Variants in RPA3 observed in about 807,000 individuals in gnomAD.
RPA3 encodes the protein replication protein A 14 kDa subunit.
A neutral mutation model predicts 13.7 loss-of-function variants in RPA3; 24 were observed. The ratio of observed to expected loss-of-function variants is 1.75; its 90% CI spans 1.27 to 2.46. The LOEUF is 2.46. RPA3 is among the 30% of genes most tolerant of loss of function. The pLI, the probability that RPA3 is intolerant of heterozygous loss-of-function variation, is 0.00. For synonymous variants in RPA3, 59 were observed against 51.2 expected (o/e 1.15, Z -0.65); for missense variants, 183 against 151.0 (o/e 1.21, Z -1.11).
At position 7,640,518 on chromosome 7, in the gene RPA3, G is replaced by A; in HGVS notation, c.-100C>T. ...GGCAGATTTCTCGGCACCAATCAGC[G>A]AAGACTAGCGCTCCAGCTTCGCCAA... On this transcript the variant is annotated 5_prime_UTR_variant, in exon 5 of 8. Transcript: ENST00000223129. 1.9e-6 allele frequency: 2 copies of A among 1,053,508 alleles called. No individual in the cohort carries two copies. Among genetic ancestry groups the A allele is most frequent in the Non-Finnish European group, 2.9e-6 (2 of 692,160 alleles). 65.3% of individuals were successfully genotyped at this position (1,053,508 alleles called of 1,614,324 possible). A position where few individuals can be genotyped will look rare whatever the true frequency, so the allele number is the denominator to read the frequency against.
At chr7:7,650,781 A>G (rs1785207417) in intron 4 of RPA3, among the ~76,000 whole-genome samples, 2 of 152,210 alleles carry the variant, frequency 1.3e-5, no homozygotes, top group Admixed American at 1.3e-4. Context: ...CTCTCCATCC[A>G]GTGATTTCCT....
chr7:7,657,991 G>A (rs1449503779), intron 4 of RPA3, among the ~76,000 whole-genome samples: 1 of 152,148 alleles, frequency 6.6e-6, no homozygotes, highest in Non-Finnish European at 1.5e-5. Context: ...ATTTCCTTGA[G>A]CAGTGGTTTA....
chr7:7,654,002 A>G (rs1785285234), intron 4 of RPA3, among the ~76,000 whole-genome samples: 2 of 152,180 alleles, frequency 1.3e-5, no homozygotes, highest in Admixed American at 1.3e-4. Context: ...CTAAATTAGT[A>G]GATTGAGGGG....
intron 2 of RPA3, among the ~76,000 whole-genome samples, chr7:7,697,020 A>G (rs954413261): frequency 1.3e-5 from 2 of 152,168 alleles, no homozygotes; most frequent in Non-Finnish European, 2.9e-5. Flanking sequence ...AGGTCTGTAT[A>G]ACTTCTGTCT....
intron 4 of RPA3, among the ~76,000 whole-genome samples, chr7:7,658,178 T>C (rs111443236): frequency 0.011 from 1,622 of 152,370 alleles, 28 homozygotes; most frequent in African/African-American, 0.036. Context: ...GAGAATTTGC[T>C]GAAGTTGCTT....
intron 4 of RPA3, among the ~76,000 whole-genome samples, chr7:7,681,048 GTGTT>G (rs1346059279): frequency 1.3e-5 from 2 of 151,984 alleles, no homozygotes; most frequent in East Asian, 1.9e-4. Flanking sequence ...GTTGGTTTGT[GTGTT>G]TGTTGATGTC....
At chr7:7,681,001 G>T (rs909893185) in intron 4 of RPA3, among the ~76,000 whole-genome samples, 1 of 151,984 alleles carries the variant, frequency 6.6e-6, no homozygotes, top group Non-Finnish European at 1.5e-5. Context: ...GTGGCATCGT[G>T]TGCAATACGT....
chr7:7,653,216 T>C (rs1276934383), intron 4 of RPA3, among the ~76,000 whole-genome samples: 1 of 152,238 alleles, frequency 6.6e-6, no homozygotes, highest in Non-Finnish European at 1.5e-5. Flanking sequence ...TAGTGTTATT[T>C]ACACTCAAAT....
chr7:7,680,085 C>A (rs1284301881), intron 4 of RPA3, among the ~76,000 whole-genome samples: 3 of 151,964 alleles, frequency 2.0e-5, no homozygotes, highest in Non-Finnish European at 4.4e-5. Context: ...GTTGCCTGTG[C>A]TTGTGGGGTA....
intron 4 of RPA3, among the ~76,000 whole-genome samples, chr7:7,645,517 A>G (rs914467594): frequency 3.9e-5 from 6 of 152,186 alleles, no homozygotes; most frequent in Non-Finnish European, 7.3e-5. Flanking sequence ...TCCACGTTCT[A>G]TGTGGCAGAG....
intron 6 of RPA3, 64 bp downstream of exon 6, chr7:7,639,006 C>A: frequency 7.7e-7 from 1 of 1,301,130 alleles, no homozygotes; most frequent in Admixed American, 2.6e-5. Flanking sequence ...ACATCGGCAA[C>A]AAACCAAATC....
intron 5 of RPA3, 34 bp from the exon 6 acceptor site, chr7:7,639,178 A>C (rs1554306908): frequency 6.5e-7 from 1 of 1,546,636 alleles, no homozygotes; most frequent in Admixed American, 1.8e-5. Flanking sequence ...AATCTCACTA[A>C]AACAACAACA....
chr7:7,667,418 A>G (rs1049014958), intron 4 of RPA3, among the ~76,000 whole-genome samples: 3 of 152,188 alleles, frequency 2.0e-5, no homozygotes, highest in African/African-American at 4.8e-5. Flanking sequence ...CTTACCGCAT[A>G]CTAGGCTTGG....
rs866522944 is a variant in RPA3 at position 7,676,468 on chromosome 7, A to T, written c.-758+9362T>A. ...CAGAACCTATCCTCTAAACCACTGA[A>T]CTATCCATCTTTTTGTAAAAAAAGT... On this transcript the variant is annotated intron_variant, in intron 4 of 7. Transcript: ENST00000223129. Among the ~76,000 whole-genome samples the T allele has an allele frequency of 2.6e-5, 4 of 152,160 alleles. No individual in the cohort carries two copies. The South Asian group carries it at 8.3e-4, about 32-fold the overall frequency.
chr7:7,669,609 T>G (rs775841793), intron 4 of RPA3, among the ~76,000 whole-genome samples: 19 of 152,180 alleles, frequency 1.2e-4, no homozygotes, highest in Non-Finnish European at 2.2e-4. Flanking sequence ...GTCTTTAGCA[T>G]CAGCAGCAGT....
intron 3 of RPA3, among the ~76,000 whole-genome samples, chr7:7,686,228 C>T (rs887224877): frequency 3.9e-5 from 6 of 152,102 alleles, no homozygotes; most frequent in African/African-American, 9.7e-5. Context: ...TCAGAAGAAT[C>T]TGATACATAG....
At chr7:7,694,399 A>C (rs1389701829) in intron 2 of RPA3, among the ~76,000 whole-genome samples, 1 of 152,088 alleles carries the variant, frequency 6.6e-6, no homozygotes, top group African/African-American at 2.4e-5. Flanking sequence ...GTACCCCCTC[A>C]GTTATTCTAA....
chr7:7,663,334 G>C (rs1048821479), intron 4 of RPA3, among the ~76,000 whole-genome samples: 44 of 138,024 alleles, frequency 3.2e-4, no homozygotes, highest in African/African-American at 1.1e-3. Context: ...AAATAAGAGA[G>C]GTGGAAGTAA....
intron 4 of RPA3, among the ~76,000 whole-genome samples, chr7:7,675,464 A>G (rs907126010): frequency 6.6e-6 from 1 of 152,168 alleles, no homozygotes; most frequent in African/African-American, 2.4e-5. Context: ...CTATCTCAGT[A>G]GAAGCCCAGT....
Sources: allele counts gnomAD v4.1 joint callset (sites outside exome capture counted in the v4.1 genomes callset), GRCh38; gene constraint gnomAD v4.1.1; transcripts MANE v1.5; gene names NCBI Gene and HGNC (gene_info 2026-07-23, HGNC 2026-07-21).